Variants in IKZF3 observed in about 807,000 individuals in gnomAD.
IKZF3 encodes IKAROS family zinc finger 3, also known as zinc finger protein Aiolos.
In IKZF3, 10 loss-of-function variants were observed where a neutral mutation model predicts 49.0. The ratio of observed to expected loss-of-function variants is 0.20; its 90% CI spans 0.13 to 0.35. The LOEUF is 0.35. Among genes scored for constraint, IKZF3 ranks in the 10% least tolerant of loss-of-function variants. The probability of loss-of-function intolerance (pLI) is 1.00; values close to 1 mark genes in which losing one functional copy is unlikely to be tolerated. For synonymous variants in IKZF3, 209 were observed against 228.2 expected, an observed-to-expected ratio of 0.92 and a Z score of 0.76; for missense variants, 498 against 664.8, an observed-to-expected ratio of 0.75 and a Z score of 2.76.
At chr17:39,841,284 T>C (rs1598175577) in intron 1 of IKZF3, among the ~76,000 whole-genome samples, 2 of 152,138 alleles carry the variant, frequency 1.3e-5, no homozygotes, top group South Asian at 4.1e-4. Context: ...TGGCCTGGAC[T>C]GCTGGAGCCT....
At chr17:39,858,269 G>A (rs1221563738) in intron 1 of IKZF3, among the ~76,000 whole-genome samples, 1 of 151,736 alleles carries the variant, frequency 6.6e-6, no homozygotes, top group Non-Finnish European at 1.5e-5. Context: ...GACCAGCCTG[G>A]GTAACATAGC....
chr17:39,786,034 T>C (rs574852713), intron 6 of IKZF3, among the ~76,000 whole-genome samples: 2 of 152,180 alleles, frequency 1.3e-5, no homozygotes, highest in African/African-American at 4.8e-5. Context: ...AGTAGATTGG[T>C]GGCTGCCAGG....
rs1424247623 is a variant in IKZF3 at position 39,777,636 on chromosome 17, G to C, written c.826+15C>G. 6.4e-7 allele frequency: 1 copy of C among 1,573,272 alleles called. No homozygotes were observed. Among genetic ancestry groups the C allele is most frequent in the Non-Finnish European group, 8.7e-7 (1 of 1,144,184 alleles). On this transcript the variant is annotated intron_variant, in intron 7 of 7. Transcript: ENST00000346872. ...TATCTGCTAACAACAGCAGGAAAAAGGTTTGTATTCTTACCAATGAATTTC... is the reference window on the plus strand; with the variant it reads ...TATCTGCTAACAACAGCAGGAAAAACGTTTGTATTCTTACCAATGAATTTC...
rs960635744 is a variant in IKZF3, at chr17:39,757,914, G to C, written c.*7876C>G. On this transcript the variant is annotated 3_prime_UTR_variant, in exon 8 of 8. Transcript: ENST00000346872. ...TCCACACATGGCTGGGCTCCAGGTA[G>C]AACTCCATAGGAGTGACGAGGGAAA... The C allele has an allele frequency of 1.3e-5, 2 of 152,210 alleles. No individual in the cohort carries two copies. The highest frequency in any genetic ancestry group is 4.8e-5 in the African/African-American group (2 of 41,448). The allele number at this position is 152,210 out of a possible 1,614,324, so 9.4% of individuals were successfully genotyped here.
At position 39,759,332 on chromosome 17, in the gene IKZF3, C is replaced by T. The variant is rs2060128499; in HGVS notation, c.*6458G>A. ...TTGGGAGGCTAAGACGGGAGGATGG[C>T]TCGTTGCTTGAGCCCAGGAGGTTGA... On this transcript the variant is annotated 3_prime_UTR_variant, in exon 8 of 8. Coordinates refer to ENST00000346872, the MANE Select transcript of IKZF3 (RefSeq NM_012481.5). The T allele has an allele frequency of 6.6e-6, 1 of 151,990 alleles. No homozygotes were observed. The highest frequency in any genetic ancestry group is 2.1e-4 in the South Asian group (1 of 4,818). 9.4% of individuals were successfully genotyped at this position (151,990 alleles called of 1,614,324 possible).
chr17:39,785,043 T>C (rs980123096), intron 6 of IKZF3, among the ~76,000 whole-genome samples: 4 of 152,144 alleles, frequency 2.6e-5, no homozygotes, highest in Non-Finnish European at 5.9e-5. Flanking sequence ...ATCATCTCTT[T>C]ACAAGTGACG....
intron 1 of IKZF3, among the ~76,000 whole-genome samples, chr17:39,832,684 T>A (rs2062147440): frequency 6.6e-6 from 1 of 151,994 alleles, no homozygotes; most frequent in Non-Finnish European, 1.5e-5. Flanking sequence ...AACACGTTGA[T>A]CTCATGGAGG....
intron 1 of IKZF3, among the ~76,000 whole-genome samples, chr17:39,858,975 TTTA>T (rs1334351643): frequency 1.3e-5 from 2 of 151,760 alleles, no homozygotes; most frequent in Non-Finnish European, 2.9e-5. Context: ...TTACTTTTAT[TTTA>T]TTATTATTTT....
intron 1 of IKZF3, among the ~76,000 whole-genome samples, chr17:39,852,770 G>C (rs1183683187): frequency 1.3e-5 from 2 of 152,128 alleles, no homozygotes; most frequent in Non-Finnish European, 1.5e-5. Context: ...AGGAGTTCGA[G>C]ACCAGCCTGA....
At chr17:39,850,417 CATATTGTATGTATATATAATATATAGT>C (rs2062786724) in intron 1 of IKZF3, among the ~76,000 whole-genome samples, 1 of 108,308 alleles carries the variant, frequency 9.2e-6, no homozygotes, top group Non-Finnish European at 1.8e-5. Flanking sequence ...TAATATATAG[CATATTGTATGTATATATAATATATAGT>C]ATAAATATAT....
At chr17:39,836,056 T>A (rs1313067236) in intron 1 of IKZF3, 1 of 649,558 alleles carries the variant, frequency 1.5e-6, no homozygotes, top group Non-Finnish European at 2.8e-6. Flanking sequence ...GTCTCCAGCA[T>A]CTTGTTCTGC....
rs185934129 is a variant in IKZF3 at position 39,759,046 on chromosome 17, C to T, written c.*6744G>A. 1.3e-5 allele frequency: 2 copies of T among 151,784 alleles called. No homozygotes were observed. The highest frequency in any genetic ancestry group is 1.3e-4 in the Admixed American group (2 of 15,228). 9.4% of individuals were successfully genotyped at this position (151,784 alleles called of 1,614,324 possible). A position where few individuals can be genotyped will look rare whatever the true frequency, so the allele number is the denominator to read the frequency against. ...TATATCCTTACAAAAATTTAATACACCCATTAACATTCCTATTTCAAATAG... is the reference window on the plus strand; with the variant it reads ...TATATCCTTACAAAAATTTAATACATCCATTAACATTCCTATTTCAAATAG... On this transcript the variant is annotated 3_prime_UTR_variant, in exon 8 of 8. Coordinates refer to ENST00000346872, the MANE Select transcript of IKZF3 (RefSeq NM_012481.5).
At chr17:39,813,636 A>T (rs2061613183) in intron 3 of IKZF3, among the ~76,000 whole-genome samples, 1 of 146,654 alleles carries the variant, frequency 6.8e-6, no homozygotes, top group African/African-American at 2.5e-5. Context: ...AGCGTGATTA[A>T]AAAAAAAAAA....
chr17:39,836,085 G>A (rs1598159073), intron 1 of IKZF3: 2 of 660,362 alleles, frequency 3.0e-6, no homozygotes, highest in East Asian at 5.6e-5. Flanking sequence ...GAACCGCGAT[G>A]AAGGGGGCAA....
At chr17:39,807,886 T>C (rs2061468802) in intron 3 of IKZF3, among the ~76,000 whole-genome samples, 1 of 152,038 alleles carries the variant, frequency 6.6e-6, no homozygotes, top group Non-Finnish European at 1.5e-5. Flanking sequence ...CAGGCAAGAA[T>C]GGGGATCAAC....
At position 39,758,920 on chromosome 17, in the gene IKZF3, T is replaced by C. The variant is rs977441953; in HGVS notation, c.*6870A>G. On this transcript the variant is annotated 3_prime_UTR_variant, in exon 8 of 8. Coordinates refer to ENST00000346872, the MANE Select transcript of IKZF3 (RefSeq NM_012481.5). ...CACGGTACATTTTCCACTGAAAATT[T>C]ACAATCATCCAACATAATGCACACC... 1 of 150,204 alleles carries C rather than the reference T, an allele frequency of 6.7e-6. No individual in the cohort carries two copies. Among genetic ancestry groups the C allele is most frequent in the Admixed American group, 6.7e-5 (1 of 14,966 alleles). 9.3% of individuals were successfully genotyped at this position (150,204 alleles called of 1,614,324 possible).
chr17:39,814,804 C>A (rs1253742340), intron 3 of IKZF3, among the ~76,000 whole-genome samples: 1 of 152,162 alleles, frequency 6.6e-6, no homozygotes, highest in African/African-American at 2.4e-5. Flanking sequence ...AACTTCTACC[C>A]TCCAGAATAG....
chr17:39,819,456 C>A (rs1226046689), intron 3 of IKZF3, among the ~76,000 whole-genome samples: 1 of 152,062 alleles, frequency 6.6e-6, no homozygotes, highest in Non-Finnish European at 1.5e-5. Flanking sequence ...GAAGCTGATA[C>A]AACATCATAT....
chr17:39,789,883 A>G (rs1311842899), intron 5 of IKZF3, among the ~76,000 whole-genome samples: 1 of 149,838 alleles, frequency 6.7e-6, no homozygotes, highest in Non-Finnish European at 1.5e-5. Context: ...TAGGCAACAG[A>G]GCAAGACTCC....
Sources: gnomAD v4.1 joint callset for allele counts (sites outside exome capture counted in the v4.1 genomes callset) on GRCh38, gnomAD v4.1.1 for gene constraint, MANE v1.5 for transcripts, NCBI Gene and HGNC (gene_info 2026-07-23, HGNC 2026-07-21) for gene names.